The following PARP4 variants were observed in gnomAD, a reference collection of about 807,000 sequenced individuals.
The protein encoded by PARP4 is poly(ADP-ribose) polymerase family member 4, also known as protein mono-ADP-ribosyltransferase PARP4.
In PARP4, 120 loss-of-function variants were observed where a neutral mutation model predicts 187.7. The observed-to-expected ratio is 0.64, with a 90% confidence interval of 0.55 to 0.74. The LOEUF is 0.74. PARP4 is among the 30% of genes least tolerant of loss of function. PARP4 has a pLI of 0.00. For synonymous variants in PARP4, 654 were observed against 740.9 expected, an observed-to-expected ratio of 0.88 and a Z score of 1.90; for missense variants, 1,836 against 2,070.5, an observed-to-expected ratio of 0.89 and a Z score of 2.20.
intron 33 of PARP4, among the ~76,000 whole-genome samples, chr13:24,421,592 A>G (rs1419946893): frequency 6.6e-6 from 1 of 152,238 alleles, no homozygotes; most frequent in African/African-American, 2.4e-5. Flanking sequence ...CAGCCGCTCT[A>G]CAGTTGTTTA....
chr13:24,425,567 G>A (rs200985065), intron 33 of PARP4, among the ~76,000 whole-genome samples: 49,771 of 142,056 alleles, frequency 0.35, 8,731 homozygotes, highest in Non-Finnish European at 0.37. Context: ...GTGTGTGTGT[G>A]TGTATATCTA....
At chr13:24,475,397 T>C in intron 15 of PARP4, 75 bp downstream of exon 15, 2 of 1,357,004 alleles carry the variant, frequency 1.5e-6, no homozygotes, top group South Asian at 1.2e-5. Flanking sequence ...CTTCAGTTCA[T>C]GCAACTGCAA....
chr13:24,425,987 A>G (rs1244187875), intron 33 of PARP4, among the ~76,000 whole-genome samples: 6 of 152,222 alleles, frequency 3.9e-5, no homozygotes, highest in Non-Finnish European at 8.8e-5. Flanking sequence ...TGTATTTGCC[A>G]AGGGAGGAGA....
chr13:24,508,259 C>T (rs1048825448), intron 1 of PARP4, among the ~76,000 whole-genome samples: 4 of 152,146 alleles, frequency 2.6e-5, no homozygotes, highest in Non-Finnish European at 4.4e-5. Context: ...ATTGCACCCC[C>T]ACTTATGCTG....
chr13:24,492,395 T>C lies in PARP4; in HGVS notation c.1053+26A>G, dbSNP rs760808919. On this transcript the variant is annotated intron_variant, in intron 9 of 33. Transcript: ENST00000381989. ...CACCCTCAACATATTTTATAATAAA[T>C]AGAATTCTATATTTCAGAGGTTTAC... 58 of 1,546,994 alleles carry C rather than the reference T, an allele frequency of 3.7e-5. No homozygotes were observed. In the South Asian group the frequency reaches 4.7e-4, roughly 12 times the overall value.
In PARP4 at chr13:24,470,022, T is replaced by C; in HGVS notation, c.1918A>G (p.Ile640Val). The C allele has an allele frequency of 1.2e-6, 2 of 1,612,290 alleles. No homozygotes were observed. Among genetic ancestry groups the C allele is most frequent in the South Asian group, 1.1e-5 (1 of 90,924 alleles). Residue 640 changes from isoleucine (I) to valine (V), a missense_variant, in exon 16 of 34, where the codon ATT becomes GTT. Physicochemically the swap from Ile to Val is conservative, Grantham distance 29. Around this residue, in one of 8 missense-constraint regions of PARP4, gnomAD observed 1,147 missense variants for 1,214.2 expected, o/e 0.94. Coordinates refer to ENST00000381989, the MANE Select transcript of PARP4 (RefSeq NM_006437.4). ...GRIIDTVAQV[I>V]VFQTYTNKSH... Reference sequence around the variant, plus strand: ...TTATTTGTGTATGTCTGAAAAACAATGACCTGAAGAAGAAAAAAAATCCAT... The same window carrying C: ...TTATTTGTGTATGTCTGAAAAACAACGACCTGAAGAAGAAAAAAAATCCAT...
rs372288066 is a variant in PARP4, at chr13:24,453,579, G to A, written c.2826+8C>T. The A allele has an allele frequency of 6.2e-5, 97 of 1,557,656 alleles. No homozygotes were observed. In the African/African-American group the frequency reaches 1.2e-3, roughly 19 times the overall value. ...ACCCAGGAGATACAGGAAGCCTCTT[G>A]CACTCACCATGATGAACTCTGCTGC... On this transcript the variant is annotated splice_region_variant and intron_variant, in intron 23 of 33. Transcript: ENST00000381989.
intron 1 of PARP4, among the ~76,000 whole-genome samples, chr13:24,505,278 T>G (rs1424950670): frequency 1.3e-5 from 2 of 152,126 alleles, no homozygotes; most frequent in African/African-American, 2.4e-5. Flanking sequence ...AGCCCACTGC[T>G]AAGTCTTACA....
rs755812732 is a variant in PARP4 at position 24,499,336 on chromosome 13, C to G, written c.442G>C (p.Asp148His). 6.4e-7 allele frequency: 1 copy of G among 1,556,862 alleles called. No homozygotes were observed. The highest frequency in any genetic ancestry group is 8.7e-7 in the Non-Finnish European group (1 of 1,152,868). The change falls in exon 5 of 34, where the codon GAT (aspartate) becomes CAT (histidine). Residue 148 changes from aspartate (D) to histidine (H), a missense_variant. Asp to His is a moderately conservative substitution (Grantham distance 81). Coordinates refer to ENST00000381989, the MANE Select transcript of PARP4 (RefSeq NM_006437.4). ...GTGTTATATTTTGCAACTTCAAAAT[C>G]TTGAGGAAGATGAGGAATTTCAACA... ...QNVEIPHLPQDFEVAKYNTLE... is the reference protein window; with the variant it reads ...QNVEIPHLPQHFEVAKYNTLE...
chr13:24,475,323 C>T, intron 15 of PARP4, 149 bp downstream of exon 15: 1 of 713,016 alleles, frequency 1.4e-6, no homozygotes, highest in South Asian at 2.0e-5. Flanking sequence ...CTAGCTAGTC[C>T]CTGGCATGGA....
At chr13:24,508,654 T>G (rs1869840472) in intron 1 of PARP4, among the ~76,000 whole-genome samples, 1 of 152,208 alleles carries the variant, frequency 6.6e-6, no homozygotes, top group East Asian at 1.9e-4. Flanking sequence ...GCTGGGATTA[T>G]AGGTGCCTGC....
intron 17 of PARP4, among the ~76,000 whole-genome samples, chr13:24,468,150 C>A (rs535085335): frequency 3.0e-4 from 45 of 152,172 alleles, no homozygotes; most frequent in Non-Finnish European, 5.7e-4. Flanking sequence ...TAGAGTTAGA[C>A]GCTGACTACA....
At chr13:24,466,793 T>C (rs1245420071) in intron 17 of PARP4, among the ~76,000 whole-genome samples, 1 of 69,258 alleles carries the variant, frequency 1.4e-5, no homozygotes, top group Non-Finnish European at 2.9e-5. Flanking sequence ...TGAGACTCTG[T>C]CTCAAAAAAA....
chr13:24,489,578 C>T (rs1361195722), intron 10 of PARP4, among the ~76,000 whole-genome samples: 4 of 152,096 alleles, frequency 2.6e-5, no homozygotes, highest in African/African-American at 7.2e-5. Flanking sequence ...CACTGCACTC[C>T]AGCCTGGGCG....
In PARP4 at chr13:24,450,682, T is replaced by G. The variant is rs1299534336; in HGVS notation, c.3015-865A>C. 2.0e-5 allele frequency among the ~76,000 whole-genome samples: 3 copies of G among 152,168 alleles called. No individual in the cohort carries two copies. In the East Asian group the frequency reaches 5.8e-4, roughly 29 times the overall value. On this transcript the variant is annotated intron_variant, in intron 24 of 33. Transcript: ENST00000381989. ...TCTACCCCTGGGAAGCTCACTTTAC[T>G]AGAGTTTGTAATTGCAAACACATGC...
chr13:24,503,555 T>C, intron 2 of PARP4, 90 bp downstream of exon 2: 1 of 1,440,008 alleles, frequency 6.9e-7, no homozygotes. Flanking sequence ...TCTCTCCTGC[T>C]GCTAATCTCT....
chr13:24,488,499 G>A (rs559451544), intron 10 of PARP4, among the ~76,000 whole-genome samples: 11 of 152,126 alleles, frequency 7.2e-5, no homozygotes, highest in African/African-American at 2.2e-4. Context: ...AACCACAAAC[G>A]TGTGCCACCA....
intron 32 of PARP4, among the ~76,000 whole-genome samples, chr13:24,428,781 G>GT (rs1247695044): frequency 6.6e-6 from 1 of 152,164 alleles, no homozygotes; most frequent in African/African-American, 2.4e-5. Flanking sequence ...CTTATCTTTG[G>GT]TTTTCAACAG....
intron 12 of PARP4, among the ~76,000 whole-genome samples, chr13:24,484,375 G>C (rs1478987879): frequency 6.6e-6 from 1 of 152,180 alleles, no homozygotes; most frequent in African/African-American, 2.4e-5. Context: ...GTCTTGCTAT[G>C]CTGCATAGGC....
Sources: gnomAD v4.1 joint callset for allele counts (sites outside exome capture counted in the v4.1 genomes callset) on GRCh38, gnomAD v4.1.1 for gene constraint, gnomAD v4.1.1 regional missense constraint, MANE v1.5 for transcripts, NCBI Gene and HGNC (gene_info 2026-07-23, HGNC 2026-07-21) for gene names.